The following DPP6 variants were observed in gnomAD, a reference collection of about 807,000 sequenced individuals.
DPP6 encodes A-type potassium channel modulatory protein DPP6.
In DPP6, 69 loss-of-function variants were observed where a neutral mutation model predicts 122.6. The observed-to-expected ratio is 0.56, with a 90% CI of 0.46 to 0.69. DPP6 has a LOEUF of 0.69. Ranked by LOEUF, DPP6 falls within the 30% of genes least tolerant of loss-of-function variation. The pLI, the probability that DPP6 is intolerant of heterozygous loss-of-function variation, is 0.00. For synonymous variants in DPP6, 418 were observed against 433.1 expected (o/e 0.97, Z 0.43); for missense variants, 928 against 1,116.9 (o/e 0.83, Z 2.41).
At chr7:154,733,974 G>A (rs1842460817) in intron 8 of DPP6, among the ~76,000 whole-genome samples, 1 of 152,228 alleles carries the variant, frequency 6.6e-6, no homozygotes, top group South Asian at 2.1e-4. Context: ...AGTGTGCTGA[G>A]TACCTGCTTC....
At chr7:154,093,199 TTACA>T (rs1328730268) in intron 1 of DPP6, among the ~76,000 whole-genome samples, 6 of 140,152 alleles carry the variant, frequency 4.3e-5, no homozygotes, top group East Asian at 4.3e-4. Context: ...GCCACACAAC[TTACA>T]TACCACATCA....
intron 1 of DPP6, among the ~76,000 whole-genome samples, chr7:154,234,111 G>A (rs1211666399): frequency 1.3e-5 from 2 of 152,212 alleles, no homozygotes; most frequent in Non-Finnish European, 2.9e-5. Flanking sequence ...AGGTGATGAA[G>A]CAGTGAATTA....
chr7:153,889,274 CTT>C (rs1301746843), intron 1 of DPP6, among the ~76,000 whole-genome samples: 1 of 152,206 alleles, frequency 6.6e-6, no homozygotes, highest in Non-Finnish European at 1.5e-5. Context: ...TTTTCCCACT[CTT>C]TTTCTTTTTT....
chr7:154,640,160 G>T (rs1345915805), intron 6 of DPP6, among the ~76,000 whole-genome samples: 2 of 152,180 alleles, frequency 1.3e-5, no homozygotes, highest in African/African-American at 4.8e-5. Flanking sequence ...GCTGAGGCAG[G>T]AGAATCGCTT....
At chr7:154,206,557 G>C (rs1234824976) in intron 1 of DPP6, among the ~76,000 whole-genome samples, 1 of 152,176 alleles carries the variant, frequency 6.6e-6, no homozygotes, top group African/African-American at 2.4e-5. Flanking sequence ...TGAGTCACTT[G>C]ACCTTTCTTC....
chr7:154,487,781 A>G (rs1373259937), intron 3 of DPP6, among the ~76,000 whole-genome samples: 1 of 152,206 alleles, frequency 6.6e-6, no homozygotes, highest in Non-Finnish European at 1.5e-5. Flanking sequence ...GTAACCTGCT[A>G]GGGTCTAATT....
intron 1 of DPP6, among the ~76,000 whole-genome samples, chr7:154,431,659 C>T (rs763777315): frequency 3.3e-5 from 5 of 151,430 alleles, no homozygotes; most frequent in Admixed American, 2.0e-4. Context: ...CTCAGCTTCC[C>T]GAGTAGCTGG....
intron 5 of DPP6, among the ~76,000 whole-genome samples, chr7:154,612,542 A>T (rs536044187): frequency 2.0e-5 from 3 of 152,302 alleles, no homozygotes; most frequent in African/African-American, 7.2e-5. Context: ...CAGTTTAACC[A>T]TTCACTCATT....
At position 154,470,908 on chromosome 7, in the gene DPP6, T is replaced by G. The variant is rs181607131; in HGVS notation, c.359-4031T>G. Reference sequence around the variant, plus strand: ...GAAGATTGAGCACAGAAATGTTCCTTGTTTTGATGGCAAAAGCATGTGGAA... The same window carrying G: ...GAAGATTGAGCACAGAAATGTTCCTGGTTTTGATGGCAAAAGCATGTGGAA... On this transcript the variant is annotated intron_variant, in intron 2 of 25. Transcript: ENST00000377770. 3.9e-4 allele frequency among the ~76,000 whole-genome samples: 60 copies of G among 152,360 alleles called. 1 individual carries two copies. The highest frequency in any genetic ancestry group is 1.4e-3 in the African/African-American group (59 of 41,580).
rs74922566 is a variant in DPP6 at position 154,296,570 on chromosome 7, A to G, written c.244-149644A>G. On this transcript the variant is annotated intron_variant, in intron 1 of 25. Transcript: ENST00000377770. ...GTTCCCAGGAAAAGTGACAGCCTTA[A>G]CGGCAGCACTGTGATTACCGTTATC... 4.8e-3 allele frequency among the ~76,000 whole-genome samples: 725 copies of G among 152,294 alleles called. 9 individuals are homozygous for G. Among genetic ancestry groups the G allele is most frequent in the East Asian group, 0.045 (234 of 5,170 alleles).
At chr7:154,034,959 C>T (rs909089153) in intron 1 of DPP6, among the ~76,000 whole-genome samples, 14 of 151,032 alleles carry the variant, frequency 9.3e-5, no homozygotes, top group African/African-American at 3.4e-4. Context: ...CTGACCTTTT[C>T]TGAAGCTAAA....
intron 5 of DPP6, among the ~76,000 whole-genome samples, chr7:154,621,932 C>T (rs561602417): frequency 1.6e-3 from 237 of 152,304 alleles, no homozygotes; most frequent in Non-Finnish European, 2.7e-3. Context: ...ACTGTGCAAA[C>T]GTGCGGCACT....
chr7:154,160,209 G>A (rs6951475), intron 1 of DPP6, among the ~76,000 whole-genome samples: 29,342 of 150,352 alleles, frequency 0.2, 7,239 homozygotes, highest in African/African-American at 0.58. Flanking sequence ...ACTTGAACCC[G>A]GGACCTCCAG....
chr7:154,612,865 CTTA>C (rs1833997053), intron 5 of DPP6, among the ~76,000 whole-genome samples: 1 of 151,946 alleles, frequency 6.6e-6, no homozygotes, highest in Non-Finnish European at 1.5e-5. Context: ...GGCTTATTGT[CTTA>C]TTTGGGCTAC....
chr7:154,777,407 C>T (rs1416874463), intron 10 of DPP6, among the ~76,000 whole-genome samples: 2 of 152,168 alleles, frequency 1.3e-5, no homozygotes, highest in African/African-American at 4.8e-5. Context: ...AGAGCTCAGC[C>T]TTCCTTGGGC....
At chr7:154,426,323 A>G (rs940578095) in intron 1 of DPP6, among the ~76,000 whole-genome samples, 12 of 152,348 alleles carry the variant, frequency 7.9e-5, no homozygotes, top group Middle Eastern at 3.4e-3. Flanking sequence ...CAATGATAGG[A>G]CTACTAGGGT....
At chr7:154,611,405 T>G (rs976516826) in intron 5 of DPP6, among the ~76,000 whole-genome samples, 2 of 152,202 alleles carry the variant, frequency 1.3e-5, no homozygotes, top group African/African-American at 4.8e-5. Flanking sequence ...AGCAAATGTT[T>G]GTGGGATGCC....
At chr7:154,206,363 C>T (rs188471350) in intron 1 of DPP6, among the ~76,000 whole-genome samples, 30 of 152,330 alleles carry the variant, frequency 2.0e-4, no homozygotes, top group African/African-American at 6.7e-4. Flanking sequence ...TCCCCTTGTC[C>T]CATAGCACAG....
intron 1 of DPP6, among the ~76,000 whole-genome samples, chr7:154,331,780 C>T (rs1808968203): frequency 6.6e-6 from 1 of 152,144 alleles, no homozygotes; most frequent in African/African-American, 2.4e-5. Flanking sequence ...AACTAATAGC[C>T]TGCCAAAGAA....
Sources: gnomAD v4.1 joint callset for allele counts (sites outside exome capture counted in the v4.1 genomes callset) on GRCh38, gnomAD v4.1.1 for gene constraint, MANE v1.5 for transcripts, NCBI Gene and HGNC (gene_info 2026-07-23, HGNC 2026-07-21) for gene names.